Variants in SLC4A4 observed in about 807,000 individuals in gnomAD.
The protein encoded by SLC4A4 is electrogenic sodium bicarbonate cotransporter 1.
SLC4A4 carries 27 observed loss-of-function variants against 111.5 expected under a neutral mutation model. The observed-to-expected ratio is 0.24, with a 90% CI of 0.18 to 0.33. The LOEUF (loss-of-function observed/expected upper bound fraction) is 0.33. Among genes scored for constraint, SLC4A4 ranks in the 10% least tolerant of loss-of-function variants. The pLI, the probability that SLC4A4 is intolerant of heterozygous loss-of-function variation, is 1.00. For synonymous variants in SLC4A4, 443 were observed against 463.4 expected, an observed-to-expected ratio of 0.96 and a Z score of 0.57; for missense variants, 909 against 1,315.5, an observed-to-expected ratio of 0.69 and a Z score of 4.78.
At chr4:71,205,534 G>T (rs988069334) in intron 1 of SLC4A4, among the ~76,000 whole-genome samples, 1 of 152,084 alleles carries the variant, frequency 6.6e-6, no homozygotes, top group Non-Finnish European at 1.5e-5. Context: ...CGATATTGTT[G>T]TATACAGAAT....
intron 16 of SLC4A4, among the ~76,000 whole-genome samples, chr4:71,498,668 G>A (rs916542134): frequency 7.2e-5 from 11 of 152,118 alleles, no homozygotes; most frequent in Admixed American, 4.6e-4. Context: ...AAACAGAAGG[G>A]TTGATAATGA....
At chr4:71,116,050 A>C (rs866072436) in intron 2 of SLC4A4, among the ~76,000 whole-genome samples, 1 of 152,022 alleles carries the variant, frequency 6.6e-6, no homozygotes, top group African/African-American at 2.4e-5. Context: ...ACACACCACG[A>C]CGCCTGGCTA....
intron 3 of SLC4A4, among the ~76,000 whole-genome samples, chr4:71,336,416 G>A (rs926583751): frequency 2.0e-5 from 3 of 152,094 alleles, no homozygotes; most frequent in Admixed American, 2.0e-4. Flanking sequence ...AGCTATAAAG[G>A]TATAGGGAAA....
intron 2 of SLC4A4, among the ~76,000 whole-genome samples, chr4:71,126,552 C>G (rs1743567287): frequency 6.6e-6 from 1 of 152,056 alleles, no homozygotes; most frequent in Non-Finnish European, 1.5e-5. Context: ...TATAGACATA[C>G]TTATTGATTG....
chr4:71,135,303 T>TC (rs1743815119), intron 2 of SLC4A4, among the ~76,000 whole-genome samples: 1 of 150,242 alleles, frequency 6.7e-6, no homozygotes, highest in Non-Finnish European at 1.5e-5. Context: ...ACTCTTTTTT[T>TC]TTTTTTTTTT....
intron 3 of SLC4A4, among the ~76,000 whole-genome samples, chr4:71,315,369 C>CA (rs1010428136): frequency 6.6e-6 from 1 of 151,966 alleles, no homozygotes; most frequent in African/African-American, 2.4e-5. Flanking sequence ...TCTAGGAAAA[C>CA]AAAAAATAGA....
chr4:71,318,157 A>G (rs1439871523), intron 3 of SLC4A4, among the ~76,000 whole-genome samples: 1 of 152,052 alleles, frequency 6.6e-6, no homozygotes, highest in African/African-American at 2.4e-5. Context: ...ACTGCAGTGG[A>G]TGTGTAGCTC....
intron 1 of SLC4A4, among the ~76,000 whole-genome samples, chr4:71,188,324 T>C (rs113001682): frequency 0.072 from 10,998 of 152,226 alleles, 1,318 homozygotes; most frequent in African/African-American, 0.25. Flanking sequence ...TTTTTTTCTA[T>C]CCTTCCTTCC....
Position 71,276,503 on chromosome 4 carries a change from C to T in SLC4A4, c.253+21104C>T, listed in dbSNP as rs2149086461. Among the ~76,000 whole-genome samples the T allele has an allele frequency of 2.0e-5, 3 of 151,832 alleles. No homozygotes were observed. The East Asian group carries it at 5.8e-4, about 29-fold the overall frequency. On this transcript the variant is annotated intron_variant, in intron 3 of 25. Coordinates refer to ENST00000264485, the MANE Select transcript of SLC4A4 (RefSeq NM_001098484.3). ...TGGCAACTACCAATCTGTTTTCCAT[C>T]TTTGTAATTTTGTCATTTCATGAAT...
At chr4:71,301,144 A>G (rs1725221068) in intron 3 of SLC4A4, 1 of 340,978 alleles carries the variant, frequency 2.9e-6, no homozygotes, top group Non-Finnish European at 5.8e-6. Flanking sequence ...GATGGGCACC[A>G]CACGTGGCAG....
chr4:71,310,430 G>A (rs1172208898), intron 3 of SLC4A4, among the ~76,000 whole-genome samples: 2 of 152,124 alleles, frequency 1.3e-5, no homozygotes, highest in African/African-American at 4.8e-5. Flanking sequence ...TTAAAGGGCA[G>A]CCAGAGAGAA....
At chr4:71,096,416 G>A (rs997552740) in intron 2 of SLC4A4, among the ~76,000 whole-genome samples, 2 of 151,992 alleles carry the variant, frequency 1.3e-5, no homozygotes, top group African/African-American at 4.8e-5. Context: ...AAGATGAGAA[G>A]GACAGTTCAG....
chr4:71,270,817 G>A (rs1391316404), intron 3 of SLC4A4, among the ~76,000 whole-genome samples: 1 of 152,152 alleles, frequency 6.6e-6, no homozygotes, highest in South Asian at 2.1e-4. Context: ...GAGAGTGAGG[G>A]GTGGAGCTCA....
At position 71,374,785 on chromosome 4, in the gene SLC4A4, GTT is replaced by G. The variant is rs558530187; in HGVS notation, c.730+17609_730+17610del. ...GGCAGTCTGCTAAAATTGTAAAACA[GTT>G]TTTTTTTTTTCCTAATAAGATTTTG... On this transcript the variant is annotated intron_variant, in intron 6 of 25. Transcript: ENST00000264485. 8.9e-5 allele frequency among the ~76,000 whole-genome samples: 13 copies of G among 146,394 alleles called. No individual in the cohort carries two copies. The South Asian group carries it at 1.5e-3, about 17-fold the overall frequency.
At chr4:71,361,997 A>G (rs1730835543) in intron 6 of SLC4A4, among the ~76,000 whole-genome samples, 1 of 152,104 alleles carries the variant, frequency 6.6e-6, no homozygotes, top group African/African-American at 2.4e-5. Context: ...TTTTATATGT[A>G]TTGTCTTATC....
chr4:71,283,207 C>G (rs1414340527), intron 3 of SLC4A4, among the ~76,000 whole-genome samples: 1 of 152,176 alleles, frequency 6.6e-6, no homozygotes, highest in African/African-American at 2.4e-5. Context: ...ATTCCGCTAT[C>G]TCCCTCCTCC....
chr4:71,228,453 T>G (rs1439584914), intron 1 of SLC4A4, among the ~76,000 whole-genome samples: 1 of 152,240 alleles, frequency 6.6e-6, no homozygotes, highest in East Asian at 1.9e-4. Flanking sequence ...TATATTTGAC[T>G]TAACTGAAAC....
chr4:71,082,717 A>T (rs1367382516), intron 1 of SLC4A4, among the ~76,000 whole-genome samples: 1 of 151,984 alleles, frequency 6.6e-6, no homozygotes, highest in Non-Finnish European at 1.5e-5. Flanking sequence ...AAATCAATAC[A>T]TTACAGATAC....
chr4:71,137,071 C>A (rs919101633), intron 2 of SLC4A4, among the ~76,000 whole-genome samples: 85 of 152,270 alleles, frequency 5.6e-4, no homozygotes, highest in Non-Finnish European at 1.0e-3. Flanking sequence ...GGCTCCCTTA[C>A]CAGTTTGTTC....
Sources: gnomAD v4.1 joint callset for allele counts (sites outside exome capture counted in the v4.1 genomes callset) on GRCh38, gnomAD v4.1.1 for gene constraint, MANE v1.5 for transcripts, NCBI Gene and HGNC (gene_info 2026-07-23, HGNC 2026-07-21) for gene names.